The following PEX5L variants were observed in gnomAD, a reference collection of about 807,000 sequenced individuals.
PEX5L encodes PEX5-related protein.
In PEX5L, 30 loss-of-function variants were observed where a neutral mutation model predicts 84.0. The observed-to-expected ratio is 0.36, with a 90% CI of 0.27 to 0.48. The LOEUF (loss-of-function observed/expected upper bound fraction) is 0.48, where lower values mean the gene tolerates loss of function less well. Among genes scored for constraint, PEX5L ranks in the 20% least tolerant of loss-of-function variants. The probability of loss-of-function intolerance (pLI) is 0.99; values close to 1 mark genes in which losing one functional copy is unlikely to be tolerated. For synonymous variants in PEX5L, 270 were observed against 283.1 expected, an observed-to-expected ratio of 0.95 and a Z score of 0.46; for missense variants, 533 against 754.6, an observed-to-expected ratio of 0.71 and a Z score of 3.44.
At chr3:179,996,323 T>C (rs911871546) in intron 1 of PEX5L, among the ~76,000 whole-genome samples, 1 of 152,096 alleles carries the variant, frequency 6.6e-6, no homozygotes, top group Non-Finnish European at 1.5e-5. Flanking sequence ...GGAAGGAACA[T>C]AGAGTTGGAT....
At chr3:179,969,578 C>T (rs758174448) in intron 2 of PEX5L, among the ~76,000 whole-genome samples, 1 of 152,054 alleles carries the variant, frequency 6.6e-6, no homozygotes, top group Non-Finnish European at 1.5e-5. Context: ...TCAACATTGT[C>T]GTTGTTTCAA....
At chr3:179,988,491 T>C (rs760151433) in intron 1 of PEX5L, among the ~76,000 whole-genome samples, 11 of 152,220 alleles carry the variant, frequency 7.2e-5, no homozygotes, top group Non-Finnish European at 1.3e-4. Flanking sequence ...AATATACCAT[T>C]AACCCAAATA....
At chr3:179,927,348 A>G (rs1279308256) in intron 2 of PEX5L, among the ~76,000 whole-genome samples, 1 of 152,194 alleles carries the variant, frequency 6.6e-6, no homozygotes, top group Non-Finnish European at 1.5e-5. Context: ...AACTAGGCAC[A>G]GAGGGGTTGG....
At position 179,800,447 on chromosome 3, in the gene PEX5L, G is replaced by C. The variant is rs1718530557; in HGVS notation, c.*1381C>G. ...CCTGACATTGGGAAAATTATATTCT[G>C]ATTAGCATTTTGCAAAAAATGTTCC... is the stretch of plus-strand genomic sequence containing the variant. On this transcript the variant is annotated 3_prime_UTR_variant, in exon 15 of 15. Transcript: ENST00000467460. 1 of 152,168 alleles carries C rather than the reference G, an allele frequency of 6.6e-6. No individual in the cohort carries two copies. The highest frequency in any genetic ancestry group is 1.5e-5 in the Non-Finnish European group (1 of 68,036). 9.4% of individuals were successfully genotyped at this position (152,168 alleles called of 1,614,324 possible).
chr3:179,939,703 C>A (rs1775537925), intron 2 of PEX5L, among the ~76,000 whole-genome samples: 1 of 152,132 alleles, frequency 6.6e-6, no homozygotes, highest in Non-Finnish European at 1.5e-5. Context: ...GAGCCAAGTG[C>A]CTCAATTAGC....
At chr3:179,888,258 C>T (rs548796558) in intron 3 of PEX5L, 32 of 825,012 alleles carry the variant, frequency 3.9e-5, no homozygotes, top group East Asian at 6.4e-5. Context: ...ATGCCTGCCT[C>T]GTCTCCCTCT....
rs181955886 is a variant in PEX5L, at chr3:179,946,931, G to A, written c.93+24663C>T. Among the ~76,000 whole-genome samples, 187 of 152,314 alleles carry A rather than the reference G, an allele frequency of 1.2e-3. 1 individual carries two copies. In the Middle Eastern group the frequency reaches 0.027, roughly 22 times the overall value. ...CATTGACAAAAAGAGAAGAATCAAT[G>A]AGCAATATTTGATGTATATTATTAA... On this transcript the variant is annotated intron_variant, in intron 2 of 14. Transcript: ENST00000467460.
chr3:179,862,346 G>A (rs1746507283), intron 7 of PEX5L, among the ~76,000 whole-genome samples: 1 of 152,084 alleles, frequency 6.6e-6, no homozygotes, highest in South Asian at 2.1e-4. Context: ...GACACTTTTG[G>A]GCCACAGTAT....
chr3:180,036,370 G>A (rs1791908188), intron 1 of PEX5L, among the ~76,000 whole-genome samples: 1 of 152,076 alleles, frequency 6.6e-6, no homozygotes, highest in Non-Finnish European at 1.5e-5. Context: ...TTCCCCAATC[G>A]AAGTTCTGAG....
At chr3:179,915,798 T>C (rs565614413) in intron 2 of PEX5L, among the ~76,000 whole-genome samples, 116 of 152,342 alleles carry the variant, frequency 7.6e-4, no homozygotes, top group African/African-American at 2.7e-3. Flanking sequence ...TAACAATTTC[T>C]GCTTCTAAAG....
chr3:179,918,367 A>G (rs923730326), intron 2 of PEX5L, among the ~76,000 whole-genome samples: 1 of 152,262 alleles, frequency 6.6e-6, no homozygotes, highest in Non-Finnish European at 1.5e-5. Flanking sequence ...TGGTGGGTAT[A>G]GTAAAATCCA....
intron 1 of PEX5L, among the ~76,000 whole-genome samples, chr3:179,977,464 A>T (rs568957947): frequency 7.0e-4 from 107 of 152,266 alleles, no homozygotes; most frequent in Non-Finnish European, 1.1e-3. Flanking sequence ...AAAGCTTCTC[A>T]GTTCTTTGAC....
At chr3:180,024,381 C>CACAA (rs1352130798) in intron 1 of PEX5L, among the ~76,000 whole-genome samples, 1 of 100,906 alleles carries the variant, frequency 9.9e-6, no homozygotes, top group African/African-American at 3.7e-5. Flanking sequence ...TATACACACA[C>CACAA]AAAAAAAAAA....
At chr3:179,970,667 C>CT (rs34661702) in intron 2 of PEX5L, among the ~76,000 whole-genome samples, 194 of 152,106 alleles carry the variant, frequency 1.3e-3, no homozygotes, top group African/African-American at 4.4e-3. Context: ...GTCATTTTTC[C>CT]TTTTTTCAGA....
In PEX5L at chr3:179,798,064, A is replaced by C. The variant is rs1717739312; in HGVS notation, c.*3764T>G. The C allele has an allele frequency of 6.6e-6, 1 of 152,210 alleles. No homozygotes were observed. Among genetic ancestry groups the C allele is most frequent in the African/African-American group, 2.4e-5 (1 of 41,450 alleles). The allele number at this position is 152,210 out of a possible 1,614,324, so 9.4% of individuals were successfully genotyped here. A position where few individuals can be genotyped will look rare whatever the true frequency, so the allele number is the denominator to read the frequency against. On this transcript the variant is annotated 3_prime_UTR_variant, in exon 15 of 15. Transcript: ENST00000467460. The stretch of plus-strand genomic sequence containing the variant: ...AGTGGGACTAGCTACAACTGTATTC[A>C]AGTCTTGCTTGTATGGGAAGAATAT...
intron 2 of PEX5L, among the ~76,000 whole-genome samples, chr3:179,952,450 C>T (rs1013582070): frequency 2.0e-5 from 3 of 152,074 alleles, no homozygotes; most frequent in Admixed American, 2.0e-4. Context: ...AGCAGAATGA[C>T]AATGAGACTG....
At chr3:179,869,766 A>G (rs1749637653) in intron 7 of PEX5L, among the ~76,000 whole-genome samples, 1 of 152,218 alleles carries the variant, frequency 6.6e-6, no homozygotes, top group Non-Finnish European at 1.5e-5. Flanking sequence ...AAAGATCCTG[A>G]AACTTTTCTG....
At chr3:180,003,971 T>C (rs1788646202) in intron 1 of PEX5L, among the ~76,000 whole-genome samples, 1 of 152,206 alleles carries the variant, frequency 6.6e-6, no homozygotes, top group Non-Finnish European at 1.5e-5. Context: ...AATATCTTCA[T>C]TGACTATTTA....
At chr3:179,864,737 A>C (rs754587046) in intron 7 of PEX5L, among the ~76,000 whole-genome samples, 1 of 152,168 alleles carries the variant, frequency 6.6e-6, no homozygotes, top group African/African-American at 2.4e-5. Context: ...AATTAGCTCA[A>C]CTGAGCCATT....
Sources: gnomAD v4.1 joint callset for allele counts (sites outside exome capture counted in the v4.1 genomes callset) on GRCh38, gnomAD v4.1.1 for gene constraint, MANE v1.5 for transcripts, NCBI Gene and HGNC (gene_info 2026-07-23, HGNC 2026-07-21) for gene names.